The following PIK3CB variants were observed in gnomAD, a reference collection of about 807,000 sequenced individuals.
PIK3CB encodes phosphatidylinositol-4,5-bisphosphate 3-kinase catalytic subunit beta, also known as phosphatidylinositol 4,5-bisphosphate 3-kinase catalytic subunit beta isoform.
A neutral mutation model predicts 136.8 loss-of-function variants in PIK3CB; 39 were observed. The observed-to-expected ratio is 0.29, with a 90% CI of 0.22 to 0.37. PIK3CB has a LOEUF of 0.37. Among genes scored for constraint, PIK3CB ranks in the 10% least tolerant of loss-of-function variants. The pLI is 1.00. For synonymous variants in PIK3CB, 428 were observed against 436.6 expected, an observed-to-expected ratio of 0.98 and a Z score of 0.25; for missense variants, 868 against 1,275.4, an observed-to-expected ratio of 0.68 and a Z score of 4.87.
chr3:138,707,161 T>C lies in PIK3CB; in HGVS notation c.1528A>G (p.Lys510Glu), dbSNP rs780398302. The C allele has an allele frequency of 1.3e-6, 2 of 1,554,828 alleles. No homozygotes were observed. The highest frequency in any genetic ancestry group is 1.7e-4 in the Middle Eastern group (1 of 5,908). ...KQPYYYPPFD[K>E]IIEKAAEIAS... ...GGTCCTTTAAATAATTAGCTTACCT[T>C]ATCGAAGGGAGGGTAATAATAAGGT... Residue 510 changes from lysine to glutamate, a missense_variant and splice_region_variant, in exon 11 of 24, where the codon AAG (lysine) becomes GAG (glutamate). By Grantham distance (56) the Lys-to-Glu change is moderately conservative (BLOSUM62 1). Coordinates refer to ENST00000674063, the MANE Select transcript of PIK3CB (RefSeq NM_006219.3).
At chr3:138,664,680 G>C (rs1460353879) in intron 20 of PIK3CB, among the ~76,000 whole-genome samples, 1 of 152,046 alleles carries the variant, frequency 6.6e-6, no homozygotes, top group East Asian at 1.9e-4. Context: ...TTTTAGTTTG[G>C]AGAAATCACA....
intron 18 of PIK3CB, among the ~76,000 whole-genome samples, chr3:138,683,415 T>A (rs2043820383): frequency 6.8e-6 from 1 of 146,960 alleles, no homozygotes; most frequent in Non-Finnish European, 1.5e-5. Context: ...ATCAAAGGAG[T>A]AGGCGCGTTT....
At chr3:138,788,656 CAAAAAAAA>C (rs71146142) in intron 2 of PIK3CB, among the ~76,000 whole-genome samples, 268 of 37,734 alleles carry the variant, frequency 7.1e-3, no homozygotes, top group South Asian at 0.018. Flanking sequence ...GACTTTGTCT[CAAAAAAAA>C]AAAAAAAAAA....
chr3:138,784,010 G>C (rs1451225623), intron 2 of PIK3CB, among the ~76,000 whole-genome samples: 2 of 152,074 alleles, frequency 1.3e-5, no homozygotes, highest in Non-Finnish European at 2.9e-5. Context: ...TTCATAGATC[G>C]TTGCTTATGG....
At chr3:138,667,141 G>A (rs889232161) in intron 19 of PIK3CB, among the ~76,000 whole-genome samples, 3 of 150,960 alleles carry the variant, frequency 2.0e-5, no homozygotes, top group African/African-American at 2.4e-5. Context: ...CCCAGGAGGC[G>A]GAGGTTGCAG....
chr3:138,756,628 G>T (rs2045573815), intron 3 of PIK3CB, among the ~76,000 whole-genome samples: 1 of 152,086 alleles, frequency 6.6e-6, no homozygotes, highest in Non-Finnish European at 1.5e-5. Flanking sequence ...AACAAAAAGG[G>T]ATTGCATATT....
chr3:138,787,187 CAT>C (rs2045989857), intron 2 of PIK3CB, among the ~76,000 whole-genome samples: 1 of 152,050 alleles, frequency 6.6e-6, no homozygotes. Flanking sequence ...TCTGTTTACT[CAT>C]AGTGTTCACA....
chr3:138,677,229 T>C (rs1012250380), intron 19 of PIK3CB, among the ~76,000 whole-genome samples: 2 of 152,080 alleles, frequency 1.3e-5, no homozygotes, highest in African/African-American at 4.8e-5. Flanking sequence ...CTCACTAATT[T>C]TGTATTTTTA....
intron 2 of PIK3CB, among the ~76,000 whole-genome samples, chr3:138,763,756 C>A (rs1228253752): frequency 6.6e-6 from 1 of 152,132 alleles, no homozygotes; most frequent in African/African-American, 2.4e-5. Context: ...GCATCAACTG[C>A]CAAGATATAA....
intron 2 of PIK3CB, among the ~76,000 whole-genome samples, chr3:138,790,659 A>T (rs2046037621): frequency 6.6e-6 from 1 of 151,276 alleles, no homozygotes; most frequent in Admixed American, 6.6e-5. Context: ...AAAAAAAAAA[A>T]AAAAATTAAC....
chr3:138,728,611 A>T (rs1388542139), intron 8 of PIK3CB, among the ~76,000 whole-genome samples: 1 of 151,842 alleles, frequency 6.6e-6, no homozygotes, highest in Non-Finnish European at 1.5e-5. Flanking sequence ...CCCCGTCTCT[A>T]CTAAAAAAAA....
intron 10 of PIK3CB, among the ~76,000 whole-genome samples, chr3:138,708,629 G>T (rs552641615): frequency 1.3e-5 from 2 of 148,800 alleles, no homozygotes; most frequent in Non-Finnish European, 3.0e-5. Context: ...TTTTTTTAGA[G>T]ACGGGGTCTT....
At chr3:138,672,729 T>C (rs1353146066) in intron 19 of PIK3CB, among the ~76,000 whole-genome samples, 1 of 151,754 alleles carries the variant, frequency 6.6e-6, no homozygotes, top group African/African-American at 2.4e-5. Flanking sequence ...CTGGCCAACA[T>C]GGTGAAACCC....
intron 2 of PIK3CB, among the ~76,000 whole-genome samples, chr3:138,760,309 T>C (rs2045645758): frequency 6.6e-6 from 1 of 152,158 alleles, no homozygotes; most frequent in South Asian, 2.1e-4. Flanking sequence ...CAAGGCCCCT[T>C]GTGCTATTTC....
At chr3:138,802,029 C>G (rs537578210) in intron 1 of PIK3CB, among the ~76,000 whole-genome samples, 2 of 150,688 alleles carry the variant, frequency 1.3e-5, no homozygotes, top group South Asian at 4.2e-4. Flanking sequence ...GGCGAAGCAG[C>G]AAGATCCTGT....
At chr3:138,669,432 G>GTT (rs1272571055) in intron 19 of PIK3CB, among the ~76,000 whole-genome samples, 1 of 144,098 alleles carries the variant, frequency 6.9e-6, no homozygotes, top group Non-Finnish European at 1.5e-5. Context: ...AAAAAGGGGG[G>GTT]GGGGATGTAA....
intron 1 of PIK3CB, chr3:138,826,044 C>G: frequency 1.5e-6 from 2 of 1,307,928 alleles, no homozygotes; most frequent in East Asian, 4.6e-5. Flanking sequence ...ACAGCTTACA[C>G]AGCTTGCAAG....
At chr3:138,808,851 C>T (rs966654391) in intron 1 of PIK3CB, among the ~76,000 whole-genome samples, 1 of 151,084 alleles carries the variant, frequency 6.6e-6, no homozygotes, top group African/African-American at 2.4e-5. Flanking sequence ...TATACTAATA[C>T]ATTTTATATA....
chr3:138,754,604 A>G (rs958687407), intron 4 of PIK3CB, among the ~76,000 whole-genome samples: 27 of 152,218 alleles, frequency 1.8e-4, no homozygotes, highest in African/African-American at 6.5e-4. Flanking sequence ...GTTAACTGGG[A>G]AAAATTTATT....
Sources: allele counts gnomAD v4.1 joint callset (sites outside exome capture counted in the v4.1 genomes callset), GRCh38; gene constraint gnomAD v4.1.1; transcripts MANE v1.5; gene names NCBI Gene and HGNC (gene_info 2026-07-23, HGNC 2026-07-21).